Variants in PPP3CA observed in about 807,000 individuals in gnomAD.
The protein encoded by PPP3CA is protein phosphatase 3 catalytic subunit alpha.
A neutral mutation model predicts 66.5 loss-of-function variants in PPP3CA; 14 were observed. The ratio of observed to expected loss-of-function variants is 0.21; its 90% CI spans 0.14 to 0.33. PPP3CA has a LOEUF of 0.33. Among genes scored for constraint, PPP3CA ranks in the 10% least tolerant of loss-of-function variants. The pLI is 1.00. For missense variants in PPP3CA, 317 were observed against 639.5 expected (o/e 0.50, Z 5.44); for synonymous variants, 232 against 226.2 (o/e 1.03, Z -0.23).
intron 1 of PPP3CA, among the ~76,000 whole-genome samples, chr4:101,240,595 G>T (rs1046953984): frequency 6.6e-6 from 1 of 152,088 alleles, no homozygotes; most frequent in African/African-American, 2.4e-5. Context: ...AAAATAAAAA[G>T]AGAAAGCAGG....
At chr4:101,140,330 T>C (rs1722763431) in intron 2 of PPP3CA, among the ~76,000 whole-genome samples, 1 of 152,144 alleles carries the variant, frequency 6.6e-6, no homozygotes, top group African/African-American at 2.4e-5. Context: ...ACTAATGACT[T>C]AATAATATTA....
chr4:101,104,248 T>A (rs1463984442), intron 3 of PPP3CA, among the ~76,000 whole-genome samples: 1 of 152,120 alleles, frequency 6.6e-6, no homozygotes, highest in East Asian at 1.9e-4. Context: ...TGAATTGAGA[T>A]CCTTTTGAAG....
Position 101,160,026 on chromosome 4 carries a change from T to TATAATA in PPP3CA, c.259+35884_259+35889dup, listed in dbSNP as rs557938088. Reference sequence around the variant, plus strand: ...GAAAAAATATTCATGTATGCATCATTATAATAATCAAGCTAGGATAAGGTG... The same window carrying TATAATA: ...GAAAAAATATTCATGTATGCATCATTATAATAATAATAATCAAGCTAGGATAAGGTG... On this transcript the variant is annotated intron_variant, in intron 2 of 13. Transcript: ENST00000394854. Among the ~76,000 whole-genome samples, 125 of 151,888 alleles carry TATAATA rather than the reference T, an allele frequency of 8.2e-4. 1 individual carries two copies. The highest frequency in any genetic ancestry group is 2.1e-3 in the African/African-American group (85 of 41,346).
intron 1 of PPP3CA, among the ~76,000 whole-genome samples, chr4:101,331,801 A>G (rs1427126286): frequency 6.6e-6 from 1 of 152,210 alleles, no homozygotes; most frequent in African/African-American, 2.4e-5. Context: ...GAGACTTAAA[A>G]TAAGTTCAGT....
chr4:101,045,016 A>G (rs753697384), intron 10 of PPP3CA, among the ~76,000 whole-genome samples: 4 of 152,234 alleles, frequency 2.6e-5, no homozygotes, highest in Non-Finnish European at 5.9e-5. Flanking sequence ...CACATAACAG[A>G]TGTTGGCTCT....
At chr4:101,272,208 T>C (rs922971858) in intron 1 of PPP3CA, among the ~76,000 whole-genome samples, 1 of 152,202 alleles carries the variant, frequency 6.6e-6, no homozygotes, top group African/African-American at 2.4e-5. Context: ...ATACCACTTA[T>C]TGAATGCCTT....
intron 1 of PPP3CA, among the ~76,000 whole-genome samples, chr4:101,298,586 C>T (rs1242065351): frequency 1.3e-5 from 2 of 152,066 alleles, no homozygotes; most frequent in African/African-American, 2.4e-5. Context: ...CCACTTAATG[C>T]ATAGTAATTT....
chr4:101,311,086 T>C (rs1391528885), intron 1 of PPP3CA, among the ~76,000 whole-genome samples: 1 of 152,226 alleles, frequency 6.6e-6, no homozygotes, highest in Non-Finnish European at 1.5e-5. Flanking sequence ...AATCCTTCAC[T>C]TCAGGGTTTC....
At chr4:101,149,681 C>T (rs1723077113) in intron 2 of PPP3CA, among the ~76,000 whole-genome samples, 1 of 152,100 alleles carries the variant, frequency 6.6e-6, no homozygotes, top group Admixed American at 6.5e-5. Flanking sequence ...TTTAATTCCT[C>T]AAACATTTAT....
chr4:101,098,074 A>C (rs1229442176), intron 5 of PPP3CA, among the ~76,000 whole-genome samples: 2 of 152,200 alleles, frequency 1.3e-5, no homozygotes, highest in Non-Finnish European at 2.9e-5. Context: ...GTTTGAAAAA[A>C]GCCAAATGGA....
chr4:101,073,976 G>A (rs1017675739), intron 8 of PPP3CA, among the ~76,000 whole-genome samples: 2 of 152,198 alleles, frequency 1.3e-5, no homozygotes, highest in Non-Finnish European at 2.9e-5. Flanking sequence ...TGAGATGATG[G>A]CAGGGAAAAA....
chr4:101,033,079 ATTAC>A (rs1338144850), intron 11 of PPP3CA, among the ~76,000 whole-genome samples: 1 of 152,104 alleles, frequency 6.6e-6, no homozygotes. Flanking sequence ...ATATTTATTA[ATTAC>A]TTGACACTAT....
intron 1 of PPP3CA, among the ~76,000 whole-genome samples, chr4:101,333,664 G>A (rs1222638425): frequency 6.6e-6 from 1 of 152,078 alleles, no homozygotes; most frequent in Non-Finnish European, 1.5e-5. Flanking sequence ...AACATGTTAG[G>A]CAGAAACAGG....
intron 1 of PPP3CA, among the ~76,000 whole-genome samples, chr4:101,266,839 A>G (rs1727183744): frequency 6.6e-6 from 1 of 152,230 alleles, no homozygotes; most frequent in Non-Finnish European, 1.5e-5. Context: ...TGGGTATAAA[A>G]GGAGAAAGTA....
At chr4:101,332,781 TG>T (rs1390029368) in intron 1 of PPP3CA, among the ~76,000 whole-genome samples, 1 of 152,160 alleles carries the variant, frequency 6.6e-6, no homozygotes, top group Admixed American at 6.5e-5. Context: ...GGGTTCAAGA[TG>T]GTTACATGAC....
At chr4:101,179,615 A>C (rs1186240529) in intron 2 of PPP3CA, among the ~76,000 whole-genome samples, 2 of 152,164 alleles carry the variant, frequency 1.3e-5, no homozygotes, top group African/African-American at 4.8e-5. Flanking sequence ...TTGTCTCATC[A>C]CTGCCATCAA....
intron 1 of PPP3CA, among the ~76,000 whole-genome samples, chr4:101,254,446 A>C (rs1726776508): frequency 6.6e-6 from 1 of 151,990 alleles, no homozygotes; most frequent in Non-Finnish European, 1.5e-5. Flanking sequence ...TTTTTTTAAA[A>C]GCAAGAGTCA....
At chr4:101,236,505 C>T (rs947043122) in intron 1 of PPP3CA, among the ~76,000 whole-genome samples, 3 of 151,850 alleles carry the variant, frequency 2.0e-5, no homozygotes, top group African/African-American at 4.8e-5. Context: ...ATGTAGGTAG[C>T]GAACTAGTAA....
At chr4:101,316,162 G>A (rs895207827) in intron 1 of PPP3CA, among the ~76,000 whole-genome samples, 2 of 151,636 alleles carry the variant, frequency 1.3e-5, no homozygotes, top group African/African-American at 4.8e-5. Context: ...TTCTGGCTGG[G>A]TGGCAATGTG....
Sources: allele counts gnomAD v4.1 joint callset (sites outside exome capture counted in the v4.1 genomes callset), GRCh38; gene constraint gnomAD v4.1.1; transcripts MANE v1.5; gene names NCBI Gene and HGNC (gene_info 2026-07-23, HGNC 2026-07-21).